PLXDC2: variants seen among roughly 807,000 people sequenced by gnomAD.
PLXDC2 encodes the protein plexin domain containing 2, also known as plexin domain-containing protein 2.
In PLXDC2, 40 loss-of-function variants were observed where a neutral mutation model predicts 68.9. The ratio of observed to expected loss-of-function variants is 0.58; its 90% CI spans 0.45 to 0.76. The LOEUF is 0.76. Ranked by LOEUF, PLXDC2 falls within the 30% of genes least tolerant of loss-of-function variation. The pLI is 0.00. For synonymous variants in PLXDC2, 243 were observed against 234.2 expected (o/e 1.04, Z -0.34); for missense variants, 644 against 661.9 (o/e 0.97, Z 0.30).
intron 9 of PLXDC2, among the ~76,000 whole-genome samples, chr10:20,179,521 G>A (rs543642198): frequency 2.6e-5 from 4 of 151,980 alleles, no homozygotes; most frequent in Non-Finnish European, 5.9e-5. Context: ...AAAAAACAAG[G>A]ACCATTTGAC....
intron 13 of PLXDC2, among the ~76,000 whole-genome samples, chr10:20,257,242 T>G (rs2119359595): frequency 6.6e-6 from 1 of 152,334 alleles, no homozygotes; most frequent in South Asian, 2.1e-4. Context: ...CAAGGATTTC[T>G]TAGAGGATAT....
intron 4 of PLXDC2, among the ~76,000 whole-genome samples, chr10:20,123,111 G>A (rs924128956): frequency 4.6e-5 from 7 of 152,182 alleles, no homozygotes; most frequent in Non-Finnish European, 2.9e-5. Flanking sequence ...GAACAAAACT[G>A]TAAGCCGGAC....
chr10:19,988,418 A>G (rs1051860682), intron 1 of PLXDC2, among the ~76,000 whole-genome samples: 20 of 152,156 alleles, frequency 1.3e-4, no homozygotes, highest in African/African-American at 4.8e-4. Context: ...AAATTAAGTA[A>G]TCCTCTTAAT....
chr10:20,012,335 G>GTT lies in PLXDC2; in HGVS notation c.324+10349_324+10350insTT, dbSNP rs1835133375. ...ATTTTTTTTTTTTTTTTTTTTTTTTGGAGAAGGAGACTTGCTGTGTTTCCC... is the reference window on the plus strand; with the variant it reads ...ATTTTTTTTTTTTTTTTTTTTTTTTGTTGAGAAGGAGACTTGCTGTGTTTCCC... On this transcript the variant is annotated intron_variant, in intron 2 of 13. Transcript: ENST00000377252. Among the ~76,000 whole-genome samples, 2 of 27,856 alleles carry GTT rather than the reference G, an allele frequency of 7.2e-5. 1 individual carries two copies. The highest frequency in any genetic ancestry group is 2.6e-4 in the African/African-American group (2 of 7,640). The allele number at this position is 27,856 out of a possible 152,430, so 18.3% of individuals were successfully genotyped here.
At chr10:20,128,736 A>G (rs1052073834) in intron 4 of PLXDC2, among the ~76,000 whole-genome samples, 1 of 152,146 alleles carries the variant, frequency 6.6e-6, no homozygotes, top group Non-Finnish European at 1.5e-5. Flanking sequence ...TTCTACATAT[A>G]GTATTTGCCT....
intron 3 of PLXDC2, among the ~76,000 whole-genome samples, chr10:20,060,095 T>G (rs2131697880): frequency 6.6e-6 from 1 of 152,322 alleles, no homozygotes; most frequent in Non-Finnish European, 1.5e-5. Flanking sequence ...TGCAGTGGTG[T>G]GATCACAGCT....
At chr10:19,901,727 G>A (rs1487884560) in intron 1 of PLXDC2, among the ~76,000 whole-genome samples, 1 of 152,044 alleles carries the variant, frequency 6.6e-6, no homozygotes, top group Non-Finnish European at 1.5e-5. Flanking sequence ...TTGCTTTTGA[G>A]TTCTTGGTCG....
At chr10:19,817,670 T>G (rs1197218014) in intron 1 of PLXDC2, among the ~76,000 whole-genome samples, 4 of 151,918 alleles carry the variant, frequency 2.6e-5, no homozygotes, top group Non-Finnish European at 4.4e-5. Context: ...GCACCTTCCT[T>G]CCCCTGGCGA....
chr10:19,898,014 T>G (rs980580491), intron 1 of PLXDC2, among the ~76,000 whole-genome samples: 3 of 152,156 alleles, frequency 2.0e-5, no homozygotes, highest in African/African-American at 7.2e-5. Flanking sequence ...CATTAAGAAA[T>G]TATTTTATCT....
intron 7 of PLXDC2, among the ~76,000 whole-genome samples, chr10:20,174,441 C>G (rs928784147): frequency 1.3e-5 from 2 of 152,094 alleles, no homozygotes; most frequent in Non-Finnish European, 2.9e-5. Context: ...ACCAAAATTT[C>G]ACTGGATTAG....
intron 1 of PLXDC2, among the ~76,000 whole-genome samples, chr10:19,983,978 A>G (rs1363844648): frequency 6.6e-6 from 1 of 152,218 alleles, no homozygotes; most frequent in Non-Finnish European, 1.5e-5. Context: ...GGCCCAAACT[A>G]TAGGGTGATA....
chr10:19,845,746 T>C (rs1229659025), intron 1 of PLXDC2, among the ~76,000 whole-genome samples: 1 of 152,218 alleles, frequency 6.6e-6, no homozygotes, highest in Non-Finnish European at 1.5e-5. Flanking sequence ...TTTATACCAC[T>C]TTTAATTACA....
At chr10:20,237,183 T>C (rs1399344787) in intron 12 of PLXDC2, among the ~76,000 whole-genome samples, 1 of 152,182 alleles carries the variant, frequency 6.6e-6, no homozygotes, top group Admixed American at 6.5e-5. Context: ...CACCGGCTTT[T>C]ATATCTTTTC....
intron 4 of PLXDC2, among the ~76,000 whole-genome samples, chr10:20,132,241 G>A (rs997238385): frequency 8.1e-6 from 1 of 122,886 alleles, no homozygotes; most frequent in East Asian, 2.4e-4. Context: ...TCTTAAATCT[G>A]TGAAGACTTT....
At chr10:20,176,220 T>C (rs1020467326) in intron 7 of PLXDC2, among the ~76,000 whole-genome samples, 11 of 152,274 alleles carry the variant, frequency 7.2e-5, no homozygotes, top group African/African-American at 2.4e-4. Flanking sequence ...GCAATCCTTA[T>C]TTTTAAAGTG....
chr10:19,887,120 T>G (rs947183953), intron 1 of PLXDC2, among the ~76,000 whole-genome samples: 1 of 152,214 alleles, frequency 6.6e-6, no homozygotes, highest in African/African-American at 2.4e-5. Context: ...TATGTGTTTT[T>G]AAATCTTCTA....
chr10:19,968,142 A>C (rs1834295252), intron 1 of PLXDC2, among the ~76,000 whole-genome samples: 1 of 152,238 alleles, frequency 6.6e-6, no homozygotes, highest in African/African-American at 2.4e-5. Flanking sequence ...ACTCAGCGTT[A>C]AGATGGGTTT....
chr10:20,213,229 A>T (rs1009974788), intron 10 of PLXDC2, among the ~76,000 whole-genome samples: 5 of 151,962 alleles, frequency 3.3e-5, no homozygotes, highest in Admixed American at 1.3e-4. Flanking sequence ...ATTGGTTTTT[A>T]TGTATTATAT....
At chr10:20,071,696 A>C (rs1836318441) in intron 4 of PLXDC2, among the ~76,000 whole-genome samples, 2 of 152,212 alleles carry the variant, frequency 1.3e-5, no homozygotes. Flanking sequence ...AAAGACTAAT[A>C]CAGGCATGCT....
Sources: gnomAD v4.1 joint callset for allele counts (sites outside exome capture counted in the v4.1 genomes callset) on GRCh38, gnomAD v4.1.1 for gene constraint, MANE v1.5 for transcripts, NCBI Gene and HGNC (gene_info 2026-07-23, HGNC 2026-07-21) for gene names.